FBXO10: variants seen among roughly 807,000 people sequenced by gnomAD.
The protein encoded by FBXO10 is F-box only protein 10.
Under a neutral mutation model 80.7 loss-of-function variants are expected in FBXO10, and 39 were observed. That is an observed-to-expected ratio of 0.48 (90% CI 0.37 to 0.63). The LOEUF (loss-of-function observed/expected upper bound fraction) is 0.63. Ranked by LOEUF, FBXO10 falls within the 30% of genes least tolerant of loss-of-function variation. FBXO10 has a pLI of 0.00. For synonymous variants in FBXO10, 449 were observed against 489.6 expected (o/e 0.92, Z 1.09); for missense variants, 1,025 against 1,269.0 (o/e 0.81, Z 2.92).
At chr9:37,543,245 A>T (rs1276541067) in intron 1 of FBXO10, among the ~76,000 whole-genome samples, 3 of 152,182 alleles carry the variant, frequency 2.0e-5, no homozygotes, top group African/African-American at 7.2e-5. Context: ...AGTGATTTAT[A>T]TCACATGATT....
intron 1 of FBXO10, among the ~76,000 whole-genome samples, chr9:37,552,157 C>A (rs1822211204): frequency 6.6e-6 from 1 of 152,250 alleles, no homozygotes; most frequent in Non-Finnish European, 1.5e-5. Flanking sequence ...TATATCCCTT[C>A]TTTCCCCAGG....
intron 1 of FBXO10, among the ~76,000 whole-genome samples, chr9:37,547,761 G>T (rs1822093285): frequency 6.6e-6 from 1 of 152,116 alleles, no homozygotes; most frequent in Admixed American, 6.5e-5. Context: ...TTCGAGATCA[G>T]CCTGGACAAC....
intron 4 of FBXO10, among the ~76,000 whole-genome samples, chr9:37,531,247 C>T (rs1821614681): frequency 6.6e-6 from 1 of 152,070 alleles, no homozygotes; most frequent in South Asian, 2.1e-4. Flanking sequence ...TGTTATATTT[C>T]CCAACTCCTA....
At chr9:37,526,881 G>A (rs1056773559) in intron 5 of FBXO10, among the ~76,000 whole-genome samples, 10 of 148,574 alleles carry the variant, frequency 6.7e-5, no homozygotes, top group South Asian at 4.3e-4. Context: ...ATGGAGTCTC[G>A]CTCTTGTCAC....
At chr9:37,541,022 C>G (rs74653383) in intron 2 of FBXO10, among the ~76,000 whole-genome samples, 162 bp downstream of exon 2, 10,121 of 152,292 alleles carry the variant, frequency 0.066, 430 homozygotes, top group South Asian at 0.12. Flanking sequence ...CTCTACTGAT[C>G]ACTGTGCCTG....
At chr9:37,548,735 AT>A (rs1822118987) in intron 1 of FBXO10, among the ~76,000 whole-genome samples, 1 of 151,494 alleles carries the variant, frequency 6.6e-6, no homozygotes, top group African/African-American at 2.4e-5. Flanking sequence ...TTTGGTTTGG[AT>A]TACTATGACA....
In FBXO10 at chr9:37,560,975, T is replaced by C. The variant is rs533565846; in HGVS notation, c.-7+15236A>G. Among the ~76,000 whole-genome samples, 4 of 152,226 alleles carry C rather than the reference T, an allele frequency of 2.6e-5. No homozygotes were observed. The South Asian group carries it at 8.3e-4, about 32-fold the overall frequency. ...GGCTAACACGGTGAAACCCCGTCTC[T>C]ACTAAAAATACAAAAAATTAGCCGG... is the stretch of plus-strand genomic sequence containing the variant. On this transcript the variant is annotated intron_variant, in intron 1 of 10. Coordinates refer to ENST00000432825, the MANE Select transcript of FBXO10 (RefSeq NM_012166.3).
chr9:37,543,418 G>A lies in FBXO10; in HGVS notation c.-6-1644C>T, dbSNP rs1242270881. Among the ~76,000 whole-genome samples, 3 of 152,166 alleles carry A rather than the reference G, an allele frequency of 2.0e-5. No homozygotes were observed. The East Asian group carries it at 5.8e-4, about 29-fold the overall frequency. ...ATCAGGATGGCCTTATTCCTGAATG[G>A]TGGGGAATGAGTGGCCCCTTTTCTA... is the stretch of plus-strand genomic sequence containing the variant. On this transcript the variant is annotated intron_variant, in intron 1 of 10. Transcript: ENST00000432825.
chr9:37,523,632 A>C (rs1390821480), intron 6 of FBXO10, among the ~76,000 whole-genome samples: 1 of 152,060 alleles, frequency 6.6e-6, no homozygotes, highest in Non-Finnish European at 1.5e-5. Context: ...GAAACAAAAC[A>C]AAGAATAGGC....
Position 37,537,899 on chromosome 9 carries a change from G to C in FBXO10, c.630C>G (p.Asn210Lys). The C allele has an allele frequency of 6.2e-7, 1 of 1,613,134 alleles. No individual in the cohort carries two copies. Among genetic ancestry groups the C allele is most frequent in the Non-Finnish European group, 8.5e-7 (1 of 1,179,570 alleles). ...HVQFDNCNFE[N>K]GHIQVHGPGT... is the part of the protein sequence containing the mutation. ...CCGGGCCATGGACCTGGATGTGCCC[G>C]TTCTCAAAGTTGCAGTTGTCAAACT... The change falls in exon 3 of 11, where the codon AAC (asparagine) becomes AAG (lysine). Residue 210 changes from asparagine to lysine, a missense_variant. Physicochemically the swap from Asn to Lys is moderately conservative, Grantham distance 94. Coordinates refer to ENST00000432825, the MANE Select transcript of FBXO10 (RefSeq NM_012166.3).
chr9:37,537,694 A>T lies in FBXO10; in HGVS notation c.835T>A (p.Ser279Thr). The T allele has an allele frequency of 6.2e-7, 1 of 1,613,956 alleles. No homozygotes were observed. The highest frequency in any genetic ancestry group is 8.5e-7 in the Non-Finnish European group (1 of 1,179,872). The change falls in exon 3 of 11, where the codon TCC becomes ACC. Residue 279 changes from serine (S) to threonine (T), a missense_variant. By Grantham distance (58) the Ser-to-Thr change is moderately conservative (BLOSUM62 1). Coordinates refer to ENST00000432825, the MANE Select transcript of FBXO10 (RefSeq NM_012166.3). Reference sequence around the variant, plus strand: ...TCTGTGGGGAGAAAAGTGGGTGAGGACTTGATAAGCCCTAGTAGATACTTG... The same window carrying T: ...TCTGTGGGGAGAAAAGTGGGTGAGGTCTTGATAAGCCCTAGTAGATACTTG... ...AYKYLLGLIK[S>T]SPTFLPTEDS... is the part of the protein sequence containing the mutation.
chr9:37,558,217 T>C (rs1822384273), intron 1 of FBXO10, among the ~76,000 whole-genome samples: 1 of 152,190 alleles, frequency 6.6e-6, no homozygotes, highest in African/African-American at 2.4e-5. Flanking sequence ...AGGAACCTAA[T>C]CTATACCACC....
chr9:37,514,278 GGAAAA>G (rs1821130116), intron 10 of FBXO10, among the ~76,000 whole-genome samples: 5 of 152,114 alleles, frequency 3.3e-5, no homozygotes, highest in Admixed American at 1.3e-4. Context: ...ATGAGAGGCT[GGAAAA>G]GACAATTAGG....
chr9:37,519,337 G>A (rs1225041398), intron 8 of FBXO10, among the ~76,000 whole-genome samples: 1 of 152,212 alleles, frequency 6.6e-6, no homozygotes, highest in Non-Finnish European at 1.5e-5. Flanking sequence ...TGTGTACTTA[G>A]AGACACTAGG....
intron 7 of FBXO10, 62 bp downstream of exon 7, chr9:37,522,763 C>T (rs1821374340): frequency 1.3e-6 from 2 of 1,534,816 alleles, no homozygotes; most frequent in South Asian, 2.4e-5. Context: ...TCAGGACCCA[C>T]AAGCTGGAGA....
intron 8 of FBXO10, among the ~76,000 whole-genome samples, chr9:37,521,214 C>G (rs1431703271): frequency 6.6e-6 from 1 of 152,234 alleles, no homozygotes; most frequent in African/African-American, 2.4e-5. Flanking sequence ...AAGGCCCTGC[C>G]TGGCGGCCGC....
At chr9:37,561,097 G>A (rs71504535) in intron 1 of FBXO10, among the ~76,000 whole-genome samples, 25,117 of 151,598 alleles carry the variant, frequency 0.17, 2,207 homozygotes, top group Middle Eastern at 0.25. Flanking sequence ...AGCCGAGATC[G>A]TGCCACTGCA....
chr9:37,562,979 CCCA>C (rs1413010527), intron 1 of FBXO10, among the ~76,000 whole-genome samples: 2 of 146,404 alleles, frequency 1.4e-5, no homozygotes, highest in Non-Finnish European at 3.0e-5. Context: ...TGGCTGTGTC[CCCA>C]CCCAAAATCT....
chr9:37,543,503 A>C (rs1002548501), intron 1 of FBXO10, among the ~76,000 whole-genome samples: 2 of 152,174 alleles, frequency 1.3e-5, no homozygotes, highest in African/African-American at 4.8e-5. Context: ...GCATAGGAGG[A>C]GACAAGACAG....
Sources: gnomAD v4.1 joint callset for allele counts (sites outside exome capture counted in the v4.1 genomes callset) on GRCh38, gnomAD v4.1.1 for gene constraint, MANE v1.5 for transcripts, NCBI Gene and HGNC (gene_info 2026-07-23, HGNC 2026-07-21) for gene names.